DLG2: variants seen among roughly 807,000 people sequenced by gnomAD.
DLG2 encodes the protein discs large MAGUK scaffold protein 2.
DLG2 carries 45 observed loss-of-function variants against 132.5 expected under a neutral mutation model. The observed-to-expected ratio is 0.34, with a 90% CI of 0.27 to 0.44. The LOEUF (loss-of-function observed/expected upper bound fraction) is 0.44, where lower values mean the gene tolerates loss of function less well. Among genes scored for constraint, DLG2 ranks in the 20% least tolerant of loss-of-function variants. The pLI is 1.00. For missense variants in DLG2, 1,045 were observed against 1,196.9 expected, an observed-to-expected ratio of 0.87 and a Z score of 1.87; for synonymous variants, 424 against 419.6, an observed-to-expected ratio of 1.01 and a Z score of -0.13.
At chr11:83,497,923 A>C (rs950828090) in intron 21 of DLG2, among the ~76,000 whole-genome samples, 3 of 151,786 alleles carry the variant, frequency 2.0e-5, no homozygotes, top group Non-Finnish European at 2.9e-5. Context: ...TAAAAAAAAA[A>C]CAACAACAAC....
intron 3 of DLG2, among the ~76,000 whole-genome samples, chr11:85,372,830 T>C (rs1235011256): frequency 6.6e-6 from 1 of 152,172 alleles, no homozygotes; most frequent in Admixed American, 6.5e-5. Flanking sequence ...CTCTTCCCTC[T>C]CTCCCTGAAG....
intron 3 of DLG2, among the ~76,000 whole-genome samples, chr11:85,562,335 C>T (rs1166294051): frequency 6.6e-6 from 1 of 151,694 alleles, no homozygotes; most frequent in Non-Finnish European, 1.5e-5. Flanking sequence ...GCTAAGAATT[C>T]CTTGGGTATC....
At chr11:84,182,576 T>C (rs576480403) in intron 8 of DLG2, among the ~76,000 whole-genome samples, 2 of 151,876 alleles carry the variant, frequency 1.3e-5, no homozygotes, top group East Asian at 3.9e-4. Flanking sequence ...ATAGAATGTA[T>C]TAAAATTAAT....
chr11:85,587,871 T>C (rs1421661331), intron 3 of DLG2, among the ~76,000 whole-genome samples: 2 of 152,204 alleles, frequency 1.3e-5, no homozygotes, highest in Non-Finnish European at 2.9e-5. Flanking sequence ...GTTTTAGCAT[T>C]TCTTGTGGTG....
intron 6 of DLG2, among the ~76,000 whole-genome samples, chr11:85,091,858 G>A (rs896791802): frequency 1.3e-5 from 2 of 152,034 alleles, no homozygotes; most frequent in African/African-American, 4.8e-5. Flanking sequence ...TCCTCTCAAA[G>A]TCATTAATGA....
intron 6 of DLG2, among the ~76,000 whole-genome samples, chr11:84,798,594 G>T (rs2074977387): frequency 6.6e-6 from 1 of 152,120 alleles, no homozygotes; most frequent in South Asian, 2.1e-4. Flanking sequence ...CTGGCCCAGG[G>T]AATGTCCAGA....
chr11:84,667,464 T>C (rs2099700817), intron 6 of DLG2, among the ~76,000 whole-genome samples: 1 of 149,148 alleles, frequency 6.7e-6, no homozygotes, highest in Admixed American at 6.7e-5. Context: ...GAACATTGAT[T>C]CAAGTTTTTT....
intron 6 of DLG2, among the ~76,000 whole-genome samples, chr11:84,915,427 C>A (rs969838748): frequency 6.6e-6 from 1 of 152,148 alleles, no homozygotes; most frequent in African/African-American, 2.4e-5. Flanking sequence ...AAATTTATTT[C>A]TTGCTGCATG....
chr11:84,280,475 G>C (rs2097842575), intron 7 of DLG2, among the ~76,000 whole-genome samples: 1 of 151,844 alleles, frequency 6.6e-6, no homozygotes, highest in African/African-American at 2.4e-5. Flanking sequence ...TGCCATGTTG[G>C]CTAGGCTGGT....
chr11:84,626,391 G>A (rs2099622563), intron 6 of DLG2, among the ~76,000 whole-genome samples: 1 of 152,162 alleles, frequency 6.6e-6, no homozygotes, highest in Non-Finnish European at 1.5e-5. Flanking sequence ...TGCACAGGAA[G>A]TGGGAAGGTC....
At chr11:85,419,568 T>C (rs2090134567) in intron 3 of DLG2, among the ~76,000 whole-genome samples, 1 of 152,220 alleles carries the variant, frequency 6.6e-6, no homozygotes, top group Non-Finnish European at 1.5e-5. Context: ...CAAGTACACC[T>C]ATCAAATGTA....
At chr11:84,869,684 G>A (rs188499470) in intron 6 of DLG2, among the ~76,000 whole-genome samples, 102 of 152,170 alleles carry the variant, frequency 6.7e-4, no homozygotes, top group African/African-American at 2.3e-3. Context: ...TTTGTATAAC[G>A]ATTTTCTCCA....
At chr11:84,150,753 A>G (rs2095268359) in intron 9 of DLG2, among the ~76,000 whole-genome samples, 1 of 152,102 alleles carries the variant, frequency 6.6e-6, no homozygotes, top group African/African-American at 2.4e-5. Context: ...AATTTCATAG[A>G]TGGCTCTTAT....
intron 21 of DLG2, among the ~76,000 whole-genome samples, chr11:83,505,136 C>T (rs943644020): frequency 6.6e-6 from 1 of 152,166 alleles, no homozygotes; most frequent in East Asian, 1.9e-4. Context: ...ATACCCATAT[C>T]CAGAGTAAGT....
At chr11:83,541,360 G>A (rs915062161) in intron 20 of DLG2, among the ~76,000 whole-genome samples, 1 of 152,146 alleles carries the variant, frequency 6.6e-6, no homozygotes, top group Non-Finnish European at 1.5e-5. Context: ...TAAATGGACT[G>A]AATTTGTAAG....
chr11:84,387,123 C>T (rs1567493435), intron 7 of DLG2, among the ~76,000 whole-genome samples: 1 of 151,950 alleles, frequency 6.6e-6, no homozygotes, highest in Non-Finnish European at 1.5e-5. Flanking sequence ...GCAGTTGAGT[C>T]CCAGGTCATC....
chr11:85,436,069 C>A (rs910484065), intron 3 of DLG2, among the ~76,000 whole-genome samples: 6 of 152,146 alleles, frequency 3.9e-5, no homozygotes, highest in African/African-American at 1.4e-4. Flanking sequence ...GTAAAGGATT[C>A]TCTGTTTAAT....
chr11:84,564,740 A>G (rs1370254337), intron 6 of DLG2, among the ~76,000 whole-genome samples: 2 of 152,168 alleles, frequency 1.3e-5, no homozygotes, highest in African/African-American at 4.8e-5. Flanking sequence ...TCCTAAGAGT[A>G]TGATTCAGTG....
chr11:84,292,831 T>A (rs2098023816), intron 7 of DLG2, among the ~76,000 whole-genome samples: 1 of 152,140 alleles, frequency 6.6e-6, no homozygotes, highest in Non-Finnish European at 1.5e-5. Context: ...AATCCTTGGC[T>A]TCCCTGGGCC....
Sources: gnomAD v4.1 joint callset for allele counts (sites outside exome capture counted in the v4.1 genomes callset) on GRCh38, gnomAD v4.1.1 for gene constraint, MANE v1.5 for transcripts, NCBI Gene and HGNC (gene_info 2026-07-23, HGNC 2026-07-21) for gene names.